Variants in ARHGEF3 observed in about 807,000 individuals in gnomAD.
ARHGEF3 encodes 59.8 kDA protein.
A neutral mutation model predicts 63.2 loss-of-function variants in ARHGEF3; 28 were observed. The ratio of observed to expected loss-of-function variants is 0.44; its 90% CI spans 0.33 to 0.61. ARHGEF3 has a LOEUF of 0.61. Ranked by LOEUF, ARHGEF3 falls within the 20% of genes least tolerant of loss-of-function variation. The probability of loss-of-function intolerance (pLI) is 0.03; values close to 1 mark genes in which losing one functional copy is unlikely to be tolerated. For missense variants in ARHGEF3, 533 were observed against 659.3 expected (o/e 0.81, Z 2.10); for synonymous variants, 266 against 254.2 (o/e 1.05, Z -0.44).
intron 1 of ARHGEF3, among the ~76,000 whole-genome samples, chr3:57,039,106 T>G (rs1704076263): frequency 6.6e-6 from 1 of 152,236 alleles, no homozygotes; most frequent in African/African-American, 2.4e-5. Flanking sequence ...CCCAGTCACC[T>G]GCATGGAAGA....
chr3:57,009,040 A>C (rs1194999070), intron 2 of ARHGEF3, among the ~76,000 whole-genome samples: 1 of 152,224 alleles, frequency 6.6e-6, no homozygotes, highest in African/African-American at 2.4e-5. Context: ...AACAGGAGGC[A>C]GGAACCAGGA....
chr3:56,876,474 T>C (rs1180749551), intron 4 of ARHGEF3, among the ~76,000 whole-genome samples: 2 of 152,068 alleles, frequency 1.3e-5, no homozygotes, highest in Non-Finnish European at 2.9e-5. Flanking sequence ...CAGCTCTTCC[T>C]CAACTTAGGA....
intron 1 of ARHGEF3, among the ~76,000 whole-genome samples, chr3:56,792,120 AAAGAAAAGAAAAG>A (rs2037115088): frequency 1.4e-5 from 2 of 139,598 alleles, no homozygotes; most frequent in African/African-American, 6.1e-5. Flanking sequence ...AAAAAAAAGA[AAAGAAAAGAAAAG>A]AAAAGAAAAG....
At position 56,936,357 on chromosome 3, in the gene ARHGEF3, T is replaced by G. The variant is rs546132200; in HGVS notation, c.129+22466A>C. Reference sequence around the variant, plus strand: ...GTTCCTGCAACTATATATTCTCTTATTAAAAAGCCATTTTCTTGAGGTAAT... The same window carrying G: ...GTTCCTGCAACTATATATTCTCTTAGTAAAAAGCCATTTTCTTGAGGTAAT... On this transcript the variant is annotated intron_variant, in intron 3 of 12. Coordinates refer to the ARHGEF3 transcript ENST00000338458. 4.6e-5 allele frequency among the ~76,000 whole-genome samples: 7 copies of G among 152,294 alleles called. No individual in the cohort carries two copies. The East Asian group carries it at 1.4e-3, about 29-fold the overall frequency.
chr3:57,014,240 C>A (rs1309171980), intron 2 of ARHGEF3, among the ~76,000 whole-genome samples: 1 of 152,162 alleles, frequency 6.6e-6, no homozygotes, highest in African/African-American at 2.4e-5. Context: ...GGAACAAACT[C>A]CGGACACACC....
chr3:56,778,365 T>C (rs367961009), intron 1 of ARHGEF3, among the ~76,000 whole-genome samples: 1 of 152,200 alleles, frequency 6.6e-6, no homozygotes, highest in Non-Finnish European at 1.5e-5. Flanking sequence ...CCAGAGCCCA[T>C]GCCCTACCCC....
chr3:57,069,973 C>T (rs1400314355), intron 1 of ARHGEF3, among the ~76,000 whole-genome samples: 1 of 152,226 alleles, frequency 6.6e-6, no homozygotes, highest in African/African-American at 2.4e-5. Context: ...TGTGATATTA[C>T]TCCCTTTTTA....
chr3:57,040,473 T>C (rs1704133775), intron 1 of ARHGEF3, among the ~76,000 whole-genome samples: 2 of 77,484 alleles, frequency 2.6e-5, no homozygotes, highest in Non-Finnish European at 5.7e-5. Context: ...TAAGACTCCG[T>C]CAAAAGAAAA....
At chr3:56,908,917 T>C (rs2041777416) in intron 3 of ARHGEF3, among the ~76,000 whole-genome samples, 1 of 152,252 alleles carries the variant, frequency 6.6e-6, no homozygotes, top group African/African-American at 2.4e-5. Context: ...ATGTATGTTC[T>C]ATCTCATTCA....
chr3:57,062,929 A>G (rs1056288487), intron 1 of ARHGEF3, among the ~76,000 whole-genome samples: 1 of 152,240 alleles, frequency 6.6e-6, no homozygotes, highest in African/African-American at 2.4e-5. Flanking sequence ...CCCTGCCCTC[A>G]TGGAATTTAC....
chr3:56,790,602 C>A (rs1435252709), intron 1 of ARHGEF3, among the ~76,000 whole-genome samples: 1 of 152,156 alleles, frequency 6.6e-6, no homozygotes, highest in East Asian at 1.9e-4. Context: ...AATAGTCTTC[C>A]CCAGTGACCT....
chr3:57,073,608 A>G, intron 1 of ARHGEF3: 1 of 1,489,574 alleles, frequency 6.7e-7, no homozygotes, highest in Non-Finnish European at 8.9e-7. Flanking sequence ...GCCAGGTTGC[A>G]AGAGTGCTGC....
rs1363469187 is a variant in ARHGEF3 at position 56,972,382 on chromosome 3, T to C, written c.63-13493A>G. On this transcript the variant is annotated intron_variant, in intron 2 of 12. Transcript: ENST00000338458. ...TACCTGGTTCACACCAAGTACATAATAAATGTTGGCTTTAAACATTTGCTG... is the reference window on the plus strand; with the variant it reads ...TACCTGGTTCACACCAAGTACATAACAAATGTTGGCTTTAAACATTTGCTG... Among the ~76,000 whole-genome samples the C allele has an allele frequency of 5.3e-5, 8 of 152,248 alleles. No homozygotes were observed. In the East Asian group the frequency reaches 1.3e-3, roughly 26 times the overall value.
rs2034712962 is a variant in ARHGEF3 at position 56,751,072 on chromosome 3, G to C, written c.596C>G (p.Pro199Arg). Reference protein sequence around the residue: ...KPDGSTEHVGPILVGWLPCLS... With the variant: ...KPDGSTEHVGRILVGWLPCLS... ...CTTTCTTACCCAGCCCACGAGGATG[G>C]GACCAACATGTTCAGTCGAGCCATC... The change falls in exon 6 of 10, where the codon CCC becomes CGC. Residue 199 changes from proline (P) to arginine (R), a missense_variant. Pro to Arg is a moderately radical substitution (Grantham distance 103). Around this residue, in one of 4 missense-constraint regions of ARHGEF3, gnomAD observed 107 missense variants for 207.9 expected, o/e 0.51. Transcript: ENST00000296315. The C allele has an allele frequency of 6.2e-7, 1 of 1,613,912 alleles. No homozygotes were observed. The highest frequency in any genetic ancestry group is 1.3e-5 in the African/African-American group (1 of 74,992).
chr3:56,875,011 A>G (rs980075400), intron 4 of ARHGEF3, among the ~76,000 whole-genome samples: 2 of 152,196 alleles, frequency 1.3e-5, no homozygotes, highest in Non-Finnish European at 2.9e-5. Flanking sequence ...CTATTTACTA[A>G]TATAATAACT....
intron 2 of ARHGEF3, among the ~76,000 whole-genome samples, chr3:56,973,145 T>C (rs1364247426): frequency 6.6e-6 from 1 of 151,608 alleles, no homozygotes; most frequent in Non-Finnish European, 1.5e-5. Flanking sequence ...GCCTCCCGAG[T>C]AGCTGGGACT....
At chr3:56,870,029 T>G (rs2108220087) in intron 4 of ARHGEF3, among the ~76,000 whole-genome samples, 1 of 152,284 alleles carries the variant, frequency 6.6e-6, no homozygotes, top group Admixed American at 6.5e-5. Flanking sequence ...TATATAAGTT[T>G]AAGAGTTACA....
intron 3 of ARHGEF3, among the ~76,000 whole-genome samples, chr3:56,920,375 C>G (rs2042094268): frequency 6.6e-6 from 1 of 152,184 alleles, no homozygotes; most frequent in Non-Finnish European, 1.5e-5. Context: ...GTCATGGTAT[C>G]ACTAGAACCA....
At chr3:56,901,718 G>A (rs1276476374) in intron 3 of ARHGEF3, among the ~76,000 whole-genome samples, 7 of 151,464 alleles carry the variant, frequency 4.6e-5, no homozygotes, top group Non-Finnish European at 1.0e-4. Context: ...CGAGTAGCTG[G>A]GACTATAGGC....
Sources: gnomAD v4.1 joint callset for allele counts (sites outside exome capture counted in the v4.1 genomes callset) on GRCh38, gnomAD v4.1.1 for gene constraint, gnomAD v4.1.1 regional missense constraint, MANE v1.5 for transcripts, NCBI Gene and HGNC (gene_info 2026-07-23, HGNC 2026-07-21) for gene names.